ATXN10: variants seen among roughly 807,000 people sequenced by gnomAD.
ATXN10 encodes the protein ataxin-10.
Under a neutral mutation model 52.9 loss-of-function variants are expected in ATXN10, and 28 were observed. That is an observed-to-expected ratio of 0.53 (90% CI 0.39 to 0.73). The LOEUF is 0.73. Among genes scored for constraint, ATXN10 ranks in the 30% least tolerant of loss-of-function variants. The pLI is 0.00. For synonymous variants in ATXN10, 226 were observed against 221.5 expected (o/e 1.02, Z -0.18); for missense variants, 565 against 577.0 (o/e 0.98, Z 0.21).
intron 9 of ATXN10, among the ~76,000 whole-genome samples, chr22:45,801,508 A>G (rs1236968204): frequency 6.6e-6 from 1 of 152,230 alleles, no homozygotes; most frequent in Non-Finnish European, 1.5e-5. Context: ...AATGCAACAC[A>G]AAGATCAATG....
intron 10 of ATXN10, among the ~76,000 whole-genome samples, chr22:45,839,601 C>T (rs190043565): frequency 2.6e-5 from 4 of 152,298 alleles, no homozygotes; most frequent in Admixed American, 2.0e-4. Context: ...AATTAGCTAC[C>T]AAACACTTGA....
At chr22:45,817,047 G>A (rs188864565) in intron 10 of ATXN10, among the ~76,000 whole-genome samples, 9 of 152,294 alleles carry the variant, frequency 5.9e-5, no homozygotes, top group African/African-American at 1.9e-4. Context: ...AGGAGCGCCT[G>A]CTCTGTGTTC....
intron 1 of ATXN10, 128 bp downstream of exon 1, chr22:45,672,307 C>T: frequency 5.7e-6 from 6 of 1,058,832 alleles, no homozygotes; most frequent in Non-Finnish European, 7.0e-6. Flanking sequence ...CCTGCGCGGG[C>T]TGCCTGAGCG....
Position 45,727,329 on chromosome 22 carries a change from CTA to C in ATXN10, c.729-2092_729-2091del, listed in dbSNP as rs1192588170. 1.1e-5 allele frequency among the ~76,000 whole-genome samples: 1 copy of C among 89,248 alleles called. No individual in the cohort carries two copies. Among genetic ancestry groups the C allele is most frequent in the Non-Finnish European group, 2.3e-5 (1 of 43,088 alleles). The allele number at this position is 89,248 out of a possible 152,430, so 58.6% of individuals were successfully genotyped here. ...TAGTTCTGTCTGTCTGTCTATCTAT[CTA>C]TATCTATCTATCTATCTATCTATCT... is the stretch of plus-strand genomic sequence containing the variant. On this transcript the variant is annotated intron_variant, in intron 6 of 11. Transcript: ENST00000252934. The surrounding 1 kb of genome is among the most constrained non-coding windows in gnomAD (Gnocchi z 4.6).
At chr22:45,827,606 A>G (rs1480491222) in intron 10 of ATXN10, among the ~76,000 whole-genome samples, 2 of 152,250 alleles carry the variant, frequency 1.3e-5, no homozygotes, top group African/African-American at 2.4e-5. Context: ...TACAACAGAT[A>G]TAAACATTTG....
Position 45,690,546 on chromosome 22 carries a change from ATGC to A in ATXN10, c.308+644_308+646del. Among the ~76,000 whole-genome samples the A allele has an allele frequency of 1.3e-5, 2 of 152,314 alleles. No individual in the cohort carries two copies. The highest frequency in any genetic ancestry group is 1.3e-4 in the Admixed American group (2 of 15,302). On this transcript the variant is annotated intron_variant, in intron 2 of 11. Transcript: ENST00000252934. The surrounding 1 kb of genome is among the most constrained non-coding windows in gnomAD (Gnocchi z 4.5). Reference sequence around the variant, plus strand: ...CTAGATTTTACCTGCCTAAGTTTATATGCAGTTCTTGACCTCAGGTTGTAAATG... The same window carrying A: ...CTAGATTTTACCTGCCTAAGTTTATAAGTTCTTGACCTCAGGTTGTAAATG...
rs1210330500 is a variant in ATXN10, at chr22:45,775,615, C to T, written c.1174-31344C>T. 2.0e-5 allele frequency among the ~76,000 whole-genome samples: 3 copies of T among 152,032 alleles called. No homozygotes were observed. The highest frequency in any genetic ancestry group is 7.3e-5 in the African/African-American group (3 of 41,378). On this transcript the variant is annotated intron_variant, in intron 9 of 11. Transcript: ENST00000252934. The surrounding 1 kb of genome is among the most constrained non-coding windows in gnomAD (Gnocchi z 4.7). ...CAAACATGGCTTTCGTCAGTGTTAG[C>T]CTGTGTAATGACACTGTTTTTCTCC...
At chr22:45,799,923 A>G (rs1927876267) in intron 9 of ATXN10, among the ~76,000 whole-genome samples, 1 of 152,206 alleles carries the variant, frequency 6.6e-6, no homozygotes, top group Non-Finnish European at 1.5e-5. Context: ...ATTTTTCAAC[A>G]ATGGCACTGG....
At position 45,702,685 on chromosome 22, in the gene ATXN10, G is replaced by T. The variant is rs1416606568; in HGVS notation, c.489-4G>T. The T allele has an allele frequency of 3.7e-6, 6 of 1,613,558 alleles. No homozygotes were observed. Among genetic ancestry groups the T allele is most frequent in the Non-Finnish European group, 4.2e-6 (5 of 1,179,834 alleles). On this transcript the variant is annotated splice_polypyrimidine_tract_variant and splice_region_variant and intron_variant, in intron 4 of 11. Transcript: ENST00000252934. The stretch of plus-strand genomic sequence containing the variant: ...GCTAACAATCTCATTTCCTTGTTTG[G>T]AAGGTCTTGCTTAAATCATCCGGAC...
intron 1 of ATXN10, among the ~76,000 whole-genome samples, chr22:45,685,882 A>C (rs1923116667): frequency 6.6e-6 from 1 of 152,308 alleles, no homozygotes; most frequent in East Asian, 1.9e-4. Flanking sequence ...CATCTAAAAC[A>C]TGTTCTTTGC....
rs1284098296 is a variant in ATXN10 at position 45,733,835 on chromosome 22, T to C, written c.894+4245T>C. On this transcript the variant is annotated intron_variant, in intron 7 of 11. Transcript: ENST00000252934. The surrounding 1 kb of genome is among the most constrained non-coding windows in gnomAD (Gnocchi z 4.4). ...TTTCTATAGATCTGCATATCCTTTT[T>C]TTTTTGTTTTCTTTTCAAAGGTCTT... is the stretch of plus-strand genomic sequence containing the variant. Among the ~76,000 whole-genome samples the C allele has an allele frequency of 6.6e-6, 1 of 152,090 alleles. No homozygotes were observed. The highest frequency in any genetic ancestry group is 2.4e-5 in the African/African-American group (1 of 41,446).
In ATXN10 at chr22:45,819,401, ACT is replaced by A. The variant is rs905419247; in HGVS notation, c.1237+12382_1237+12383del. Among the ~76,000 whole-genome samples the A allele has an allele frequency of 6.6e-6, 1 of 152,106 alleles. No individual in the cohort carries two copies. Among genetic ancestry groups the A allele is most frequent in the Non-Finnish European group, 1.5e-5 (1 of 68,028 alleles). On this transcript the variant is annotated intron_variant, in intron 10 of 11. Coordinates refer to ENST00000252934, the MANE Select transcript of ATXN10 (RefSeq NM_013236.4). This position sits in a 1 kb window ranked among gnomAD's most constrained non-coding sequence, Gnocchi z 4.5. ...TGCTGCCTCTGTGGGTAGGAAGCAC[ACT>A]CTGATTCCACTGAGCCTGTCTCTGC...
chr22:45,709,367 A>T (rs1255153124), intron 5 of ATXN10, among the ~76,000 whole-genome samples: 1 of 152,240 alleles, frequency 6.6e-6, no homozygotes, highest in East Asian at 1.9e-4. Flanking sequence ...ACTGAAGTCC[A>T]CTTCAGATGG....
chr22:45,740,555 G>A lies in ATXN10; in HGVS notation c.1173+17G>A. The A allele has an allele frequency of 2.5e-6, 4 of 1,610,028 alleles. No homozygotes were observed. The highest frequency in any genetic ancestry group is 3.4e-6 in the Non-Finnish European group (4 of 1,176,522). On this transcript the variant is annotated intron_variant, in intron 9 of 11. Coordinates refer to ENST00000252934, the MANE Select transcript of ATXN10 (RefSeq NM_013236.4). ...CAAGACAAGGTAAGAGGATTTCTTA[G>A]TATGTATTATACATGTATGGCTTCA...
intron 9 of ATXN10, among the ~76,000 whole-genome samples, chr22:45,746,837 G>A: frequency 6.6e-6 from 1 of 152,182 alleles, no homozygotes; most frequent in Non-Finnish European, 1.5e-5. Flanking sequence ...GGGTAAATAG[G>A]TTATGGGTTG....
At chr22:45,749,453 G>A (rs918339512) in intron 9 of ATXN10, among the ~76,000 whole-genome samples, 2 of 152,112 alleles carry the variant, frequency 1.3e-5, no homozygotes, top group African/African-American at 4.8e-5. Flanking sequence ...GACTCTTTGA[G>A]GTGGCAGGAC....
At chr22:45,676,498 T>G (rs76735370) in intron 1 of ATXN10, 2 of 151,856 alleles carry the variant, frequency 1.3e-5, no homozygotes, top group African/African-American at 4.8e-5. Context: ...TTTTTTTTTT[T>G]GAGACAGTTT....
At chr22:45,741,345 CTA>C (rs1478781430) in intron 9 of ATXN10, among the ~76,000 whole-genome samples, 2 of 152,166 alleles carry the variant, frequency 1.3e-5, no homozygotes, top group Non-Finnish European at 2.9e-5. Context: ...ATATGTGATC[CTA>C]TACCATTTGT....
intron 7 of ATXN10, 62 bp downstream of exon 7, chr22:45,729,652 C>T: frequency 6.5e-7 from 1 of 1,548,696 alleles, no homozygotes. Context: ...CTAACTCAGC[C>T]AAGTCCTGTA....
Sources: allele counts gnomAD v4.1 joint callset (sites outside exome capture counted in the v4.1 genomes callset), GRCh38; gene constraint gnomAD v4.1.1; non-coding constraint Gnocchi (gnomAD v3.1); transcripts MANE v1.5; gene names NCBI Gene and HGNC (gene_info 2026-07-23, HGNC 2026-07-21).